Variants in NAV2 observed in about 807,000 individuals in gnomAD.
NAV2 encodes the protein helicase, APC down-regulated 1.
A neutral mutation model predicts 223.2 loss-of-function variants in NAV2; 54 were observed. That is an observed-to-expected ratio of 0.24 (90% CI 0.19 to 0.30). The LOEUF is 0.30. NAV2 is among the 10% of genes least tolerant of loss of function. The probability of loss-of-function intolerance (pLI) is 1.00; values close to 1 mark genes in which losing one functional copy is unlikely to be tolerated. For missense variants in NAV2, 2,806 were observed against 3,147.5 expected, an observed-to-expected ratio of 0.89 and a Z score of 2.60; for synonymous variants, 1,279 against 1,239.3, an observed-to-expected ratio of 1.03 and a Z score of -0.67.
chr11:19,442,043 C>T (rs116621577), intron 1 of NAV2, among the ~76,000 whole-genome samples: 283 of 152,322 alleles, frequency 1.9e-3, no homozygotes, highest in African/African-American at 5.4e-3. Context: ...GCTTGGCAGG[C>T]GGGGCAGGGC....
chr11:19,954,699 C>A (rs1350872733), intron 10 of NAV2, among the ~76,000 whole-genome samples: 2 of 152,104 alleles, frequency 1.3e-5, no homozygotes, highest in Non-Finnish European at 1.5e-5. Context: ...GTATCTTTTC[C>A]TTTATTGCCT....
intron 1 of NAV2, among the ~76,000 whole-genome samples, chr11:19,367,377 T>C (rs1048438851): frequency 6.6e-6 from 1 of 152,174 alleles, no homozygotes; most frequent in African/African-American, 2.4e-5. Context: ...GGAAAGCTGT[T>C]TCCCTGTCTG....
chr11:19,847,169 G>C (rs1565420077), intron 3 of NAV2, among the ~76,000 whole-genome samples: 1 of 152,216 alleles, frequency 6.6e-6, no homozygotes, highest in Non-Finnish European at 1.5e-5. Context: ...AGTGGGTGCT[G>C]GGGCGGCCCT....
At chr11:19,976,198 C>A (rs979578694) in intron 10 of NAV2, among the ~76,000 whole-genome samples, 3 of 152,104 alleles carry the variant, frequency 2.0e-5, no homozygotes, top group Admixed American at 6.6e-5. Flanking sequence ...ACACAAATCA[C>A]CTGGGGGGTT....
intron 1 of NAV2, among the ~76,000 whole-genome samples, chr11:19,372,169 C>T (rs534788113): frequency 1.3e-5 from 2 of 152,316 alleles, no homozygotes; most frequent in Admixed American, 6.5e-5. Flanking sequence ...CTACTAAAGG[C>T]ATCATGTTTC....
intron 8 of NAV2, among the ~76,000 whole-genome samples, chr11:19,942,095 T>C (rs1250691493): frequency 1.3e-5 from 2 of 152,202 alleles, no homozygotes; most frequent in Non-Finnish European, 2.9e-5. Context: ...AGGTAGACAC[T>C]AAAGTTTTAA....
At chr11:19,550,208 AAGG>A (rs1330165503) in intron 1 of NAV2, among the ~76,000 whole-genome samples, 1 of 152,248 alleles carries the variant, frequency 6.6e-6, no homozygotes, top group African/African-American at 2.4e-5. Flanking sequence ...ACAATATCTA[AAGG>A]AGGAGAATAA....
chr11:19,595,237 C>T (rs2046174581), intron 1 of NAV2, among the ~76,000 whole-genome samples: 1 of 152,110 alleles, frequency 6.6e-6, no homozygotes, highest in Non-Finnish European at 1.5e-5. Context: ...TTTGACCTGC[C>T]CTGTCCTTGG....
At chr11:20,042,567 A>G (rs2057022769) in intron 12 of NAV2, among the ~76,000 whole-genome samples, 1 of 152,054 alleles carries the variant, frequency 6.6e-6, no homozygotes, top group African/African-American at 2.4e-5. Context: ...ATAAGGGGAG[A>G]AGGGGTTGGG....
chr11:19,989,034 C>A (rs568810686), intron 11 of NAV2, among the ~76,000 whole-genome samples: 1 of 152,334 alleles, frequency 6.6e-6, no homozygotes, highest in East Asian at 1.9e-4. Flanking sequence ...CTGAGAGCCA[C>A]ATAAGAGAAG....
At chr11:19,593,416 A>G (rs892263019) in intron 1 of NAV2, among the ~76,000 whole-genome samples, 5 of 152,072 alleles carry the variant, frequency 3.3e-5, no homozygotes, top group African/African-American at 1.2e-4. Context: ...CTGATACATG[A>G]CTGACTGACA....
intron 1 of NAV2, among the ~76,000 whole-genome samples, chr11:19,369,330 TAATG>T (rs1848393479): frequency 6.6e-6 from 1 of 152,214 alleles, no homozygotes; most frequent in South Asian, 2.1e-4. Context: ...GGGTGCAACT[TAATG>T]AAAGCTTTTA....
chr11:19,399,947 G>A lies in NAV2; in HGVS notation c.75+48920G>A, dbSNP rs533344827. ...GGAATAGATTGTTGGAAGTGATGACGCTTCAGTTAGGTCTGAAAGACTGAG... is the reference window on the plus strand; with the variant it reads ...GGAATAGATTGTTGGAAGTGATGACACTTCAGTTAGGTCTGAAAGACTGAG... On this transcript the variant is annotated intron_variant, in intron 1 of 37. Transcript: ENST00000360655. Among the ~76,000 whole-genome samples, 26 of 152,326 alleles carry A rather than the reference G, an allele frequency of 1.7e-4. No individual in the cohort carries two copies. In the South Asian group the frequency reaches 5.0e-3, roughly 29 times the overall value.
At chr11:19,902,138 C>T (rs7120831) in intron 6 of NAV2, among the ~76,000 whole-genome samples, 2,213 of 152,274 alleles carry the variant, frequency 0.015, 61 homozygotes, top group African/African-American at 0.051. Context: ...ACCTGAGTGA[C>T]GTGCCCAACT....
chr11:20,078,212 T>C, intron 24 of NAV2, 108 bp downstream of exon 24: 3 of 806,456 alleles, frequency 3.7e-6, no homozygotes, highest in Non-Finnish European at 6.1e-6. Context: ...GTCTGCGTAA[T>C]TCAGCTCCAT....
chr11:19,533,465 A>G (rs1215165136), intron 1 of NAV2, among the ~76,000 whole-genome samples: 3 of 152,104 alleles, frequency 2.0e-5, no homozygotes, highest in Non-Finnish European at 4.4e-5. Flanking sequence ...TACAAAGGCC[A>G]TCAGCTGACC....
At chr11:19,835,497 C>T (rs11025283) in intron 2 of NAV2, among the ~76,000 whole-genome samples, 29,396 of 152,046 alleles carry the variant, frequency 0.19, 2,958 homozygotes, top group Middle Eastern at 0.34. Context: ...AGAGCATTTA[C>T]TCTTAGATTG....
intron 20 of NAV2, among the ~76,000 whole-genome samples, chr11:20,063,373 A>ATTTAT (rs1423753429): frequency 1.4e-5 from 1 of 72,024 alleles, no homozygotes; most frequent in Non-Finnish European, 2.8e-5. Context: ...GCTGTACACT[A>ATTTAT]TTTATTTTAT....
chr11:19,766,684 T>C (rs1207392254), intron 1 of NAV2, among the ~76,000 whole-genome samples: 1 of 152,142 alleles, frequency 6.6e-6, no homozygotes, highest in African/African-American at 2.4e-5. Context: ...ATGGTGCCTC[T>C]CAGCTCCAGA....
Sources: gnomAD v4.1 joint callset for allele counts (sites outside exome capture counted in the v4.1 genomes callset) on GRCh38, gnomAD v4.1.1 for gene constraint, MANE v1.5 for transcripts, NCBI Gene and HGNC (gene_info 2026-07-23, HGNC 2026-07-21) for gene names.